The following NTM variants were observed in gnomAD, a reference collection of about 807,000 sequenced individuals.
The protein encoded by NTM is IgLON family member 2.
In NTM, 13 loss-of-function variants were observed where a neutral mutation model predicts 42.1. The observed-to-expected ratio is 0.31, with a 90% CI of 0.20 to 0.49. The LOEUF (loss-of-function observed/expected upper bound fraction) is 0.49, where lower values mean the gene tolerates loss of function less well. Ranked by LOEUF, NTM falls within the 20% of genes least tolerant of loss-of-function variation. The pLI, the probability that NTM is intolerant of heterozygous loss-of-function variation, is 0.99. For missense variants in NTM, 373 were observed against 452.8 expected (o/e 0.82, Z 1.60); for synonymous variants, 187 against 179.2 (o/e 1.04, Z -0.35).
chr11:132,256,471 G>A (rs1016345250), intron 4 of NTM, among the ~76,000 whole-genome samples: 3 of 152,142 alleles, frequency 2.0e-5, no homozygotes, highest in African/African-American at 7.2e-5. Context: ...CTCTCACAGA[G>A]CCAATCAGCC....
intron 1 of NTM, among the ~76,000 whole-genome samples, chr11:131,496,867 G>A (rs1955399013): frequency 6.6e-6 from 1 of 152,184 alleles, no homozygotes; most frequent in Non-Finnish European, 1.5e-5. Context: ...CTTGGGAACA[G>A]GCACGGAGAG....
intron 2 of NTM, among the ~76,000 whole-genome samples, chr11:131,957,167 C>G (rs1174604091): frequency 6.6e-6 from 1 of 152,108 alleles, no homozygotes; most frequent in Non-Finnish European, 1.5e-5. Flanking sequence ...TGTTTTCTTT[C>G]CAAGATATTA....
chr11:131,995,087 C>G (rs1253987577), intron 2 of NTM, among the ~76,000 whole-genome samples: 1 of 152,184 alleles, frequency 6.6e-6, no homozygotes, highest in East Asian at 1.9e-4. Context: ...TCCTCTAGTG[C>G]ACCCTGCACA....
At chr11:131,659,536 G>A (rs187904973) in intron 1 of NTM, among the ~76,000 whole-genome samples, 10 of 152,304 alleles carry the variant, frequency 6.6e-5, no homozygotes, top group African/African-American at 2.2e-4. Flanking sequence ...CAACTCAATT[G>A]TATTTAGTTT....
intron 4 of NTM, among the ~76,000 whole-genome samples, chr11:132,238,156 T>A (rs184276770): frequency 4.6e-5 from 7 of 152,046 alleles, no homozygotes; most frequent in Non-Finnish European, 1.0e-4. Context: ...CTGCCACTCT[T>A]TTTGATATAC....
intron 3 of NTM, among the ~76,000 whole-genome samples, chr11:132,177,956 C>T (rs2077048547): frequency 6.6e-6 from 1 of 152,168 alleles, no homozygotes; most frequent in Non-Finnish European, 1.5e-5. Context: ...TATAAATGTT[C>T]CAACGCAATT....
intron 1 of NTM, among the ~76,000 whole-genome samples, chr11:131,859,982 A>G (rs1316770843): frequency 2.6e-5 from 4 of 152,092 alleles, no homozygotes; most frequent in Non-Finnish European, 5.9e-5. Flanking sequence ...CTTGGCAGAA[A>G]GGAACATGTG....
chr11:131,554,778 T>C (rs1393839647), intron 1 of NTM, among the ~76,000 whole-genome samples: 1 of 152,174 alleles, frequency 6.6e-6, no homozygotes, highest in Non-Finnish European at 1.5e-5. Flanking sequence ...GATTTTTCCA[T>C]CCCTTCCTTT....
At chr11:131,471,787 G>A (rs1328482144) in intron 1 of NTM, among the ~76,000 whole-genome samples, 2 of 152,220 alleles carry the variant, frequency 1.3e-5, no homozygotes, top group African/African-American at 4.8e-5. Context: ...GCTGCTCCTG[G>A]AGGTTCTGTC....
chr11:131,465,346 G>T (rs1277995463), intron 1 of NTM, among the ~76,000 whole-genome samples: 1 of 152,166 alleles, frequency 6.6e-6, no homozygotes, highest in Non-Finnish European at 1.5e-5. Context: ...CTGCAGCCCA[G>T]ACTGGAAAAG....
At chr11:132,200,815 A>G (rs1342606915) in intron 3 of NTM, among the ~76,000 whole-genome samples, 1 of 152,274 alleles carries the variant, frequency 6.6e-6, no homozygotes, top group South Asian at 2.1e-4. Flanking sequence ...AGGAATGATT[A>G]TTACCTGAGT....
At chr11:132,075,068 G>A (rs563982985) in intron 2 of NTM, among the ~76,000 whole-genome samples, 1 of 152,268 alleles carries the variant, frequency 6.6e-6, no homozygotes, top group African/African-American at 2.4e-5. Context: ...ACATTATGCT[G>A]AATGAAATAA....
At chr11:131,371,464 G>T (rs1025340841) in intron 1 of NTM, among the ~76,000 whole-genome samples, 1 of 152,192 alleles carries the variant, frequency 6.6e-6, no homozygotes, top group African/African-American at 2.4e-5. Context: ...GTGTTCGGGG[G>T]TGTGTTTGTG....
At position 131,693,197 on chromosome 11, in the gene NTM, C is replaced by A. The variant is rs117517362; in HGVS notation, c.83-218367C>A. ...CAATCCCAGAGCTCAGGAGTCAACA[C>A]CCTGGGCAGGCTGACTGCGAGTGGG... On this transcript the variant is annotated intron_variant, in intron 1 of 8. Coordinates refer to ENST00000683400, the MANE Select transcript of NTM (RefSeq NM_001352005.2). Among the ~76,000 whole-genome samples, 233 of 152,194 alleles carry A rather than the reference C, an allele frequency of 1.5e-3. 1 individual carries two copies. Among genetic ancestry groups the A allele is most frequent in the Non-Finnish European group, 2.8e-3 (188 of 68,004 alleles).
Position 131,852,849 on chromosome 11 carries a change from CCCATCCATCTAT to C in NTM, c.83-58705_83-58694del, listed in dbSNP as rs371400319. Among the ~76,000 whole-genome samples the C allele has an allele frequency of 5.1e-3, 770 of 150,564 alleles. 6 individuals carry two copies. Among genetic ancestry groups the C allele is most frequent in the African/African-American group, 0.016 (662 of 40,964 alleles). ...TTCTATTCACCCACCCATCCATCCA[CCCATCCATCTAT>C]CCATCCATCCACCCATCCGTCCATC... On this transcript the variant is annotated intron_variant, in intron 1 of 8. Transcript: ENST00000683400.
At chr11:132,027,531 G>T (rs948260709) in intron 2 of NTM, among the ~76,000 whole-genome samples, 2 of 152,114 alleles carry the variant, frequency 1.3e-5, no homozygotes, top group African/African-American at 2.4e-5. Context: ...TAGATTGGTG[G>T]TTCTTTAGTT....
chr11:132,329,861 C>G (rs534680957), intron 7 of NTM, among the ~76,000 whole-genome samples: 3 of 152,202 alleles, frequency 2.0e-5, no homozygotes, highest in African/African-American at 7.2e-5. Context: ...TAAAATCAGG[C>G]GGACATCTTG....
At chr11:131,511,992 G>T (rs2048311955) in intron 1 of NTM, among the ~76,000 whole-genome samples, 1 of 152,124 alleles carries the variant, frequency 6.6e-6, no homozygotes, top group Admixed American at 6.5e-5. Context: ...AGCGCCACCT[G>T]CTGTCTAGAC....
At chr11:131,803,173 A>C (rs981739458) in intron 1 of NTM, among the ~76,000 whole-genome samples, 2 of 152,176 alleles carry the variant, frequency 1.3e-5, no homozygotes, top group Non-Finnish European at 2.9e-5. Flanking sequence ...TTCACTGACA[A>C]ACTTAATTGA....
Sources: allele counts gnomAD v4.1 joint callset (sites outside exome capture counted in the v4.1 genomes callset), GRCh38; gene constraint gnomAD v4.1.1; transcripts MANE v1.5; gene names NCBI Gene and HGNC (gene_info 2026-07-23, HGNC 2026-07-21).